Variants in CHMP6 observed in about 807,000 individuals in gnomAD.
CHMP6 encodes the protein chromatin-modifying protein 6.
Under a neutral mutation model 32.8 loss-of-function variants are expected in CHMP6, and 10 were observed. The ratio of observed to expected loss-of-function variants is 0.30; its 90% CI spans 0.19 to 0.52. The LOEUF (loss-of-function observed/expected upper bound fraction) is 0.52, where lower values mean the gene tolerates loss of function less well. Ranked by LOEUF, CHMP6 falls within the 20% of genes least tolerant of loss-of-function variation. The pLI is 0.97. For missense variants in CHMP6, 269 were observed against 263.8 expected (o/e 1.02, Z -0.14); for synonymous variants, 123 against 105.8 (o/e 1.16, Z -1.00).
intron 7 of CHMP6, 99 bp downstream of exon 7, chr17:80,998,519 C>T (rs192286462): frequency 8.2e-5 from 131 of 1,601,510 alleles, no homozygotes; most frequent in Admixed American, 8.1e-4. Context: ...CTTCCTGGGC[C>T]GTGGGCAAGC....
intron 7 of CHMP6, among the ~76,000 whole-genome samples, chr17:80,998,862 CTG>C (rs1396514538): frequency 6.6e-6 from 1 of 152,230 alleles, no homozygotes; most frequent in Non-Finnish European, 1.5e-5. Context: ...CTTCTCCTCT[CTG>C]AGTCCCGCTG....
Position 80,994,638 on chromosome 17 carries a change from C to G in CHMP6, c.121C>G (p.Leu41Val). The change falls in exon 2 of 8, where the codon CTG becomes GTG. Residue 41 changes from leucine (L) to valine (V), a missense_variant. Leu to Val is a conservative substitution (Grantham distance 32). Transcript: ENST00000325167. The part of the protein sequence containing the change: ...RQYQKRIAQQ[L>V]ERERALARQL... ...GTACCAGAAGAGGATCGCCCAGCAG[C>G]TGGAGCGCGAGCGCGCCCTGGCCCG... 8 of 1,587,040 alleles carry G rather than the reference C, an allele frequency of 5.0e-6. No individual in the cohort carries two copies. Among genetic ancestry groups the G allele is most frequent in the Non-Finnish European group, 3.4e-6 (4 of 1,168,932 alleles).
chr17:80,998,317 C>G (rs1257548207), intron 6 of CHMP6, 49 bp from the exon 7 acceptor site: 18 of 1,610,368 alleles, frequency 1.1e-5, no homozygotes, highest in Non-Finnish European at 1.5e-5. Flanking sequence ...CCAGGCAGCC[C>G]GGGGCAGACC....
chr17:80,996,978 G>A, intron 4 of CHMP6, 29 bp from the exon 5 acceptor site: 2 of 1,601,764 alleles, frequency 1.2e-6, no homozygotes, highest in Non-Finnish European at 1.7e-6. Context: ...CTCGCGACAG[G>A]GGTCAACACC....
chr17:80,995,825 G>T, intron 4 of CHMP6, 67 bp downstream of exon 4: 1 of 1,437,632 alleles, frequency 7.0e-7, no homozygotes, highest in African/African-American at 1.4e-5. Context: ...TGGGGATAGG[G>T]CGGGGGGCTT....
chr17:80,994,390 G>C (rs2069618435), intron 1 of CHMP6, among the ~76,000 whole-genome samples, 191 bp from the exon 2 acceptor site: 1 of 152,226 alleles, frequency 6.6e-6, no homozygotes, highest in Admixed American at 6.5e-5. Context: ...TTGTGTGGCA[G>C]GATGTGGAGC....
intron 5 of CHMP6, 22 bp downstream of exon 5, chr17:80,997,094 C>T (rs1402831793): frequency 1.9e-6 from 3 of 1,611,902 alleles, no homozygotes; most frequent in East Asian, 2.2e-5. Flanking sequence ...CCTGACCGGC[C>T]TGCCCCCAAC....
intron 1 of CHMP6, among the ~76,000 whole-genome samples, chr17:80,992,359 G>T (rs2069600028): frequency 2.0e-5 from 3 of 151,036 alleles, no homozygotes; most frequent in Admixed American, 6.6e-5. Flanking sequence ...CTGGGCCCGC[G>T]GGAGCAGGTC....
At chr17:80,994,080 A>G (rs2144146434) in intron 1 of CHMP6, among the ~76,000 whole-genome samples, 1 of 152,032 alleles carries the variant, frequency 6.6e-6, no homozygotes, top group South Asian at 2.1e-4. Flanking sequence ...CCCGGCTAAT[A>G]TTTTTATGTA....
At chr17:80,995,214 A>G in intron 3 of CHMP6, 108 bp downstream of exon 3, 1 of 1,100,810 alleles carries the variant, frequency 9.1e-7, no homozygotes, top group Non-Finnish European at 1.3e-6. Flanking sequence ...CTCCTCTCAG[A>G]TGCCTCGGGC....
chr17:80,998,711 G>A lies in CHMP6; in HGVS notation c.550+291G>A, dbSNP rs530890415. On this transcript the variant is annotated intron_variant, in intron 7 of 7. Coordinates refer to ENST00000325167, the MANE Select transcript of CHMP6 (RefSeq NM_024591.5). ...AGCAGCACCAGCTCATTCCCAGGGT[G>A]TAGCCCAGGATTAGCCCTCAGCCAG... The A allele has an allele frequency of 6.6e-6, 9 of 1,365,034 alleles. No individual in the cohort carries two copies. In the Admixed American group the frequency reaches 1.2e-4, roughly 19 times the overall value. The allele number at this position is 1,365,034 out of a possible 1,614,324, so 84.6% of individuals were successfully genotyped here.
chr17:80,992,702 C>T (rs965348475), intron 1 of CHMP6, among the ~76,000 whole-genome samples: 2 of 152,184 alleles, frequency 1.3e-5, no homozygotes, highest in African/African-American at 4.8e-5. Context: ...TGCCTTTTCC[C>T]ATGTGAAAGT....
chr17:80,996,361 C>T (rs979536608), intron 4 of CHMP6, among the ~76,000 whole-genome samples: 4 of 152,020 alleles, frequency 2.6e-5, no homozygotes, highest in African/African-American at 7.2e-5. Context: ...AGGTGAATAC[C>T]GGCCTCATCT....
intron 4 of CHMP6, among the ~76,000 whole-genome samples, chr17:80,996,679 G>C (rs567546447): frequency 6.6e-6 from 1 of 152,198 alleles, no homozygotes; most frequent in South Asian, 2.1e-4. Flanking sequence ...AGGGGGCATC[G>C]GGCGCCAGGG....
intron 1 of CHMP6, among the ~76,000 whole-genome samples, chr17:80,993,097 C>T (rs1051664476): frequency 3.3e-5 from 5 of 152,168 alleles, no homozygotes; most frequent in Admixed American, 6.5e-5. Flanking sequence ...ACTCCCTCCC[C>T]TCTCTTTAAG....
chr17:80,996,398 G>T (rs755042992), intron 4 of CHMP6, among the ~76,000 whole-genome samples: 5 of 152,030 alleles, frequency 3.3e-5, no homozygotes, highest in Middle Eastern at 3.4e-3. Flanking sequence ...GTGAAGCCCA[G>T]CGTGGCCATA....
chr17:80,998,317 CG>C (rs753454978), intron 6 of CHMP6, 48 bp from the exon 7 acceptor site: 5 of 1,610,364 alleles, frequency 3.1e-6, no homozygotes, highest in Non-Finnish European at 4.2e-6. Context: ...CCAGGCAGCC[CG>C]GGGCAGACCT....
rs1188416070 is a variant in CHMP6 at position 80,994,777 on chromosome 17, GGCCCGGGC to G, written c.173+88_173+95del. ...GGGCACCCTGTCGGCTGGGGTGGGG[GGCCCGGGC>G]AGCGTGGGCACCCTGTCGGCTGGGG... is the stretch of plus-strand genomic sequence containing the variant. On this transcript the variant is annotated intron_variant, in intron 2 of 7. Coordinates refer to ENST00000325167, the MANE Select transcript of CHMP6 (RefSeq NM_024591.5). 119 of 340,624 alleles carry G rather than the reference GGCCCGGGC, an allele frequency of 3.5e-4. 38 individuals carry two copies. Among genetic ancestry groups the G allele is most frequent in the Admixed American group, 1.9e-3 (27 of 14,106 alleles). 21.1% of individuals were successfully genotyped at this position (340,624 alleles called of 1,614,324 possible).
At position 80,994,644 on chromosome 17, in the gene CHMP6, C is replaced by G. The variant is rs753912872; in HGVS notation, c.127C>G (p.Arg43Gly). Reference protein sequence around the residue: ...YQKRIAQQLERERALARQLLR... With the variant: ...YQKRIAQQLEGERALARQLLR... ...GAAGAGGATCGCCCAGCAGCTGGAGCGCGAGCGCGCCCTGGCCCGGCAGCT... is the reference window on the plus strand; with the variant it reads ...GAAGAGGATCGCCCAGCAGCTGGAGGGCGAGCGCGCCCTGGCCCGGCAGCT... Residue 43 changes from arginine to glycine, a missense_variant, in exon 2 of 8, where the codon CGC (arginine) becomes GGC (glycine). Coordinates refer to ENST00000325167, the MANE Select transcript of CHMP6 (RefSeq NM_024591.5). The G allele has an allele frequency of 2.5e-6, 4 of 1,584,908 alleles. No homozygotes were observed. In the South Asian group the frequency reaches 3.5e-5, roughly 14 times the overall value.
Sources: gnomAD v4.1 joint callset for allele counts (sites outside exome capture counted in the v4.1 genomes callset) on GRCh38, gnomAD v4.1.1 for gene constraint, MANE v1.5 for transcripts, NCBI Gene and HGNC (gene_info 2026-07-23, HGNC 2026-07-21) for gene names.